GABRB2: variants seen among roughly 807,000 people sequenced by gnomAD.
GABRB2 encodes gamma-aminobutyric acid type A receptor subunit beta2.
Under a neutral mutation model 54.7 loss-of-function variants are expected in GABRB2, and 16 were observed. The observed-to-expected ratio is 0.29, with a 90% confidence interval of 0.20 to 0.44. GABRB2 has a LOEUF of 0.44. GABRB2 is among the 20% of genes least tolerant of loss of function. GABRB2 has a pLI of 1.00. For missense variants in GABRB2, 355 were observed against 644.0 expected, an observed-to-expected ratio of 0.55 and a Z score of 4.86; for synonymous variants, 244 against 233.8, an observed-to-expected ratio of 1.04 and a Z score of -0.40.
At chr5:161,429,344 T>TTAAAAAAAAAAAAA (rs1561646864) in intron 4 of GABRB2, among the ~76,000 whole-genome samples, 15 of 228 alleles carry the variant, frequency 0.066, 1 homozygote, top group Non-Finnish European at 0.13. Flanking sequence ...AGAATCCGTC[T>TTAAAAAAAAAAAAA]CAAAAAAAAA....
At chr5:161,432,207 T>C (rs1757189209) in intron 4 of GABRB2, among the ~76,000 whole-genome samples, 1 of 152,222 alleles carries the variant, frequency 6.6e-6, no homozygotes, top group Admixed American at 6.5e-5. Flanking sequence ...CAAGCCCCAG[T>C]GGGTGTCTGA....
At chr5:161,485,686 T>C (rs1049008728) in intron 3 of GABRB2, among the ~76,000 whole-genome samples, 2 of 151,954 alleles carry the variant, frequency 1.3e-5, no homozygotes, top group African/African-American at 4.8e-5. Context: ...CCTTCTAAGG[T>C]GTTCATGAGA....
At chr5:161,425,490 C>T (rs982506162) in intron 4 of GABRB2, among the ~76,000 whole-genome samples, 2 of 152,144 alleles carry the variant, frequency 1.3e-5, no homozygotes, top group African/African-American at 2.4e-5. Context: ...ATCATTAGTA[C>T]ATTTTTAGCA....
intron 9 of GABRB2, among the ~76,000 whole-genome samples, chr5:161,302,136 C>A (rs954406852): frequency 1.3e-5 from 2 of 152,168 alleles, no homozygotes; most frequent in African/African-American, 4.8e-5. Context: ...GAAAAATGGA[C>A]TTCACTGCGG....
rs1360883302 is a variant in GABRB2, at chr5:161,398,032, TAGATAGAC to T, written c.541+12935_541+12942del. On this transcript the variant is annotated intron_variant, in intron 5 of 9. Transcript: ENST00000393959. ...GATAGATGATAGATAGATAGATAGA[TAGATAGAC>T]AGATAGATAGATAGATAGACAGAGA... Among the ~76,000 whole-genome samples the T allele has an allele frequency of 3.9e-5, 6 of 151,940 alleles. No homozygotes were observed. The South Asian group carries it at 1.0e-3, about 26-fold the overall frequency.
intron 4 of GABRB2, among the ~76,000 whole-genome samples, chr5:161,454,412 C>T (rs1370305846): frequency 1.3e-5 from 2 of 152,136 alleles, no homozygotes; most frequent in Non-Finnish European, 2.9e-5. Flanking sequence ...TTTTCTTTTG[C>T]ATTCTAGACA....
Position 161,309,431 on chromosome 5 carries a change from T to C in GABRB2, c.1192-15003A>G, listed in dbSNP as rs1397564598. 2.0e-5 allele frequency among the ~76,000 whole-genome samples: 3 copies of C among 152,158 alleles called. No homozygotes were observed. The East Asian group carries it at 5.8e-4, about 29-fold the overall frequency. ...AAAGGAGTGTAAATTAGTTCAACCA[T>C]TGTGGGAGACAGTGTGGCGATTTCC... On this transcript the variant is annotated intron_variant, in intron 9 of 9. Coordinates refer to ENST00000393959, the MANE Select transcript of GABRB2 (RefSeq NM_001371727.1).
rs1040927504 is a variant in GABRB2 at position 161,545,263 on chromosome 5, G to A, written c.201C>T (p.Asp67=). The part of the protein sequence containing the change: ...GPPVAVGMNI[D]IASIDMVSEV... ...CAGAAACCATATCGATGCTGGCAAT[G>A]TCAATGTTCATCCCCACAGCCACGG... The change falls in exon 3 of 10, where the codon GAC becomes GAT. Residue 67 remains aspartate (D), a synonymous_variant. Transcript: ENST00000393959. 4 of 1,608,982 alleles carry A rather than the reference G, an allele frequency of 2.5e-6. No homozygotes were observed. The highest frequency in any genetic ancestry group is 3.4e-5 in the Admixed American group (2 of 58,960).
chr5:161,538,701 G>A (rs754896183), intron 3 of GABRB2, among the ~76,000 whole-genome samples: 1 of 152,150 alleles, frequency 6.6e-6, no homozygotes, highest in Non-Finnish European at 1.5e-5. Flanking sequence ...GCACGTGCCT[G>A]TAGTCCCAGC....
At chr5:161,496,611 A>G (rs1382409154) in intron 3 of GABRB2, among the ~76,000 whole-genome samples, 2 of 152,002 alleles carry the variant, frequency 1.3e-5, no homozygotes, top group Non-Finnish European at 2.9e-5. Context: ...AGTGGCTGTC[A>G]TATATCCATA....
intron 5 of GABRB2, among the ~76,000 whole-genome samples, chr5:161,358,367 G>A (rs914992329): frequency 6.6e-6 from 1 of 151,986 alleles, no homozygotes; most frequent in Admixed American, 6.6e-5. Context: ...AAGGCATACT[G>A]GAATAGTTTT....
chr5:161,515,947 A>G (rs552678057), intron 3 of GABRB2, among the ~76,000 whole-genome samples: 28 of 152,324 alleles, frequency 1.8e-4, no homozygotes, highest in African/African-American at 6.5e-4. Context: ...TGCAAAAGTC[A>G]GCCAGATTCC....
At chr5:161,367,637 C>A (rs1755008219) in intron 5 of GABRB2, among the ~76,000 whole-genome samples, 1 of 152,128 alleles carries the variant, frequency 6.6e-6, no homozygotes, top group Non-Finnish European at 1.5e-5. Flanking sequence ...TTCATATGCA[C>A]ATACACATTT....
chr5:161,298,438 TATTCC>T (rs1323587292), intron 9 of GABRB2, among the ~76,000 whole-genome samples: 2 of 152,254 alleles, frequency 1.3e-5, no homozygotes. Flanking sequence ...TCTCACTCAT[TATTCC>T]ATTCCCAAAC....
intron 3 of GABRB2, among the ~76,000 whole-genome samples, chr5:161,468,737 G>C (rs939583494): frequency 7.9e-5 from 12 of 151,648 alleles, no homozygotes; most frequent in Admixed American, 7.9e-4. Context: ...GAACATAGTA[G>C]CAATAAAAAA....
rs1580984743 is a variant in GABRB2, at chr5:161,330,948, G to T, written c.1012C>A (p.Gln338Lys). Reference sequence around the variant, plus strand: ...GCAGCCTTCTCAGCTGCTTTCTTTTGGCGTTGGGGCCCCCTCCCAAAGAAG... The same window carrying T: ...GCAGCCTTCTCAGCTGCTTTCTTTTTGCGTTGGGGCCCCCTCCCAAAGAAG... ...YIFFGRGPQR[Q>K]KKAAEKAASA... The change falls in exon 8 of 10, where the codon CAA (glutamine) becomes AAA (lysine). Residue 338 changes from glutamine to lysine, a missense_variant. By Grantham distance (53) the Gln-to-Lys change is moderately conservative. Coordinates refer to ENST00000393959, the MANE Select transcript of GABRB2 (RefSeq NM_001371727.1). 6.2e-7 allele frequency: 1 copy of T among 1,614,120 alleles called. No homozygotes were observed. Among genetic ancestry groups the T allele is most frequent in the Non-Finnish European group, 8.5e-7 (1 of 1,180,014 alleles).
At chr5:161,496,806 T>C (rs2113367079) in intron 3 of GABRB2, among the ~76,000 whole-genome samples, 1 of 152,278 alleles carries the variant, frequency 6.6e-6, no homozygotes, top group South Asian at 2.1e-4. Context: ...AACATTTTTT[T>C]CAACTAATAT....
chr5:161,512,758 T>G (rs1317991433), intron 3 of GABRB2, among the ~76,000 whole-genome samples: 1 of 151,726 alleles, frequency 6.6e-6, no homozygotes, highest in Non-Finnish European at 1.5e-5. Context: ...GCAAAAGGAT[T>G]GACAGAGTAA....
intron 5 of GABRB2, among the ~76,000 whole-genome samples, chr5:161,350,385 T>G (rs1423370515): frequency 6.6e-6 from 1 of 152,118 alleles, no homozygotes; most frequent in African/African-American, 2.4e-5. Context: ...GTAAAGTTTC[T>G]GTACACTAAC....
Sources: allele counts gnomAD v4.1 joint callset (sites outside exome capture counted in the v4.1 genomes callset), GRCh38; gene constraint gnomAD v4.1.1; transcripts MANE v1.5; gene names NCBI Gene and HGNC (gene_info 2026-07-23, HGNC 2026-07-21).